NLGN1: variants seen among roughly 807,000 people sequenced by gnomAD.
NLGN1 encodes neuroligin-1.
Under a neutral mutation model 65.5 loss-of-function variants are expected in NLGN1, and 12 were observed. The observed-to-expected ratio is 0.18, with a 90% CI of 0.12 to 0.30. The LOEUF is 0.30. NLGN1 is among the 10% of genes least tolerant of loss of function. NLGN1 has a pLI of 1.00. For synonymous variants in NLGN1, 350 were observed against 359.5 expected (o/e 0.97, Z 0.30); for missense variants, 750 against 1,007.1 (o/e 0.74, Z 3.46).
intron 4 of NLGN1, among the ~76,000 whole-genome samples, chr3:174,244,940 C>T (rs746606461): frequency 2.0e-5 from 3 of 152,142 alleles, no homozygotes; most frequent in Non-Finnish European, 4.4e-5. Flanking sequence ...ATTCTAGCCT[C>T]AATTAACTTG....
chr3:174,052,311 T>A (rs769473751), intron 4 of NLGN1, among the ~76,000 whole-genome samples: 1 of 152,182 alleles, frequency 6.6e-6, no homozygotes, highest in East Asian at 1.9e-4. Context: ...TTTGATAGCA[T>A]GTTCTACTTT....
At chr3:174,092,340 AG>A (rs1744679461) in intron 4 of NLGN1, among the ~76,000 whole-genome samples, 1 of 152,176 alleles carries the variant, frequency 6.6e-6, no homozygotes, top group African/African-American at 2.4e-5. Flanking sequence ...AATGGGGAAC[AG>A]GTACTGTAGG....
At chr3:173,607,672 G>T (rs1344136401) in intron 3 of NLGN1, among the ~76,000 whole-genome samples, 1 of 151,626 alleles carries the variant, frequency 6.6e-6, no homozygotes, top group Non-Finnish European at 1.5e-5. Flanking sequence ...TGGGAGTCAA[G>T]AAATTATTAG....
intron 4 of NLGN1, among the ~76,000 whole-genome samples, chr3:173,874,893 G>A (rs1345773358): frequency 6.6e-6 from 1 of 152,152 alleles, no homozygotes; most frequent in Non-Finnish European, 1.5e-5. Context: ...GACATTAGGG[G>A]TAGAGAAAAC....
intron 4 of NLGN1, among the ~76,000 whole-genome samples, chr3:173,976,571 T>C (rs1717517554): frequency 6.6e-6 from 1 of 152,054 alleles, no homozygotes; most frequent in South Asian, 2.1e-4. Flanking sequence ...CCTAAGTGTT[T>C]ATGAGTTCTA....
At chr3:173,680,896 A>G (rs940644057) in intron 3 of NLGN1, among the ~76,000 whole-genome samples, 3 of 152,168 alleles carry the variant, frequency 2.0e-5, no homozygotes, top group Non-Finnish European at 2.9e-5. Context: ...ATGCCTTGCA[A>G]TTGGAATTTT....
chr3:174,090,893 G>T (rs974859161), intron 4 of NLGN1, among the ~76,000 whole-genome samples: 14 of 152,102 alleles, frequency 9.2e-5, no homozygotes, highest in Non-Finnish European at 1.9e-4. Context: ...GGCACATCCA[G>T]GGGATTCTTA....
At chr3:173,746,423 C>T (rs1343710034) in intron 3 of NLGN1, among the ~76,000 whole-genome samples, 3 of 152,032 alleles carry the variant, frequency 2.0e-5, no homozygotes, top group African/African-American at 4.8e-5. Context: ...TGCTTCCTAA[C>T]ACTCCTGACT....
At chr3:173,752,050 G>A (rs1191571783) in intron 3 of NLGN1, among the ~76,000 whole-genome samples, 1 of 152,032 alleles carries the variant, frequency 6.6e-6, no homozygotes, top group Admixed American at 6.6e-5. Flanking sequence ...GCAGAATTGT[G>A]AACTCTTTAC....
chr3:174,230,860 T>C (rs1245501060), intron 4 of NLGN1, among the ~76,000 whole-genome samples: 1 of 152,188 alleles, frequency 6.6e-6, no homozygotes, highest in Non-Finnish European at 1.5e-5. Context: ...ACATACTATA[T>C]TGTATATTGT....
chr3:173,949,516 G>A (rs1313308364), intron 4 of NLGN1, among the ~76,000 whole-genome samples: 1 of 152,022 alleles, frequency 6.6e-6, no homozygotes, highest in African/African-American at 2.4e-5. Context: ...ATAGACTCTG[G>A]GGTAAAAGAG....
chr3:173,914,288 C>T (rs531101443), intron 4 of NLGN1, among the ~76,000 whole-genome samples: 2 of 152,150 alleles, frequency 1.3e-5, no homozygotes, highest in Admixed American at 6.6e-5. Context: ...CAACCTCTCA[C>T]ATTCACTTTG....
chr3:173,740,892 A>T (rs1774535672), intron 3 of NLGN1, among the ~76,000 whole-genome samples: 1 of 152,160 alleles, frequency 6.6e-6, no homozygotes, highest in African/African-American at 2.4e-5. Context: ...GGACCAAATG[A>T]AAGTAGATGA....
At chr3:173,849,204 G>A (rs562169789) in intron 4 of NLGN1, among the ~76,000 whole-genome samples, 1 of 151,862 alleles carries the variant, frequency 6.6e-6, no homozygotes, top group African/African-American at 2.4e-5. Flanking sequence ...AATTAATGAC[G>A]GTATTTTTTT....
intron 3 of NLGN1, among the ~76,000 whole-genome samples, chr3:173,670,968 T>C (rs1762370479): frequency 6.6e-6 from 1 of 152,168 alleles, no homozygotes; most frequent in South Asian, 2.1e-4. Context: ...GTAACAACTT[T>C]TAACCGTGTA....
At chr3:173,940,137 G>A (rs1461963796) in intron 4 of NLGN1, among the ~76,000 whole-genome samples, 5 of 123,950 alleles carry the variant, frequency 4.0e-5, no homozygotes, top group African/African-American at 1.6e-4. Flanking sequence ...TGCCGAGGCT[G>A]GAGTGCAGTG....
intron 2 of NLGN1, among the ~76,000 whole-genome samples, chr3:173,539,563 A>G (rs1025360306): frequency 2.8e-5 from 4 of 141,878 alleles, no homozygotes; most frequent in Admixed American, 1.4e-4. Flanking sequence ...TACATAATAT[A>G]TATAACATAT....
intron 4 of NLGN1, among the ~76,000 whole-genome samples, chr3:174,005,799 A>C (rs1398277770): frequency 1.3e-5 from 2 of 151,988 alleles, no homozygotes; most frequent in African/African-American, 4.8e-5. Context: ...TCTTTTATTT[A>C]CTAGCTATGT....
At chr3:174,005,928 C>A (rs1488024403) in intron 4 of NLGN1, among the ~76,000 whole-genome samples, 1 of 151,994 alleles carries the variant, frequency 6.6e-6, no homozygotes, top group Non-Finnish European at 1.5e-5. Context: ...ACAAAGTTAT[C>A]TTTATTCTTA....
Sources: allele counts gnomAD v4.1 joint callset (sites outside exome capture counted in the v4.1 genomes callset), GRCh38; gene constraint gnomAD v4.1.1; transcripts MANE v1.5; gene names NCBI Gene and HGNC (gene_info 2026-07-23, HGNC 2026-07-21).